LRRC1: variants seen among roughly 807,000 people sequenced by gnomAD.
LRRC1 encodes leucine rich repeat containing 1.
In LRRC1, 28 loss-of-function variants were observed where a neutral mutation model predicts 69.9. The observed-to-expected ratio is 0.40, with a 90% CI of 0.30 to 0.55. The LOEUF is 0.55. Ranked by LOEUF, LRRC1 falls within the 20% of genes least tolerant of loss-of-function variation. LRRC1 has a pLI of 0.47. For missense variants in LRRC1, 498 were observed against 609.0 expected (o/e 0.82, Z 1.92); for synonymous variants, 236 against 240.2 (o/e 0.98, Z 0.16).
intron 11 of LRRC1, 75 bp downstream of exon 11, chr6:53,914,044 A>C: frequency 9.8e-7 from 1 of 1,016,070 alleles, no homozygotes; most frequent in Non-Finnish European, 1.5e-6. Flanking sequence ...TGCATCTTCA[A>C]ATTTTTGTCT....
At chr6:53,889,009 T>C (rs1767586523) in intron 4 of LRRC1, among the ~76,000 whole-genome samples, 1 of 152,148 alleles carries the variant, frequency 6.6e-6, no homozygotes. Flanking sequence ...TACAACTCTG[T>C]AATAAAAGAA....
chr6:53,875,521 G>A (rs1168615147), intron 2 of LRRC1, among the ~76,000 whole-genome samples: 2 of 151,968 alleles, frequency 1.3e-5, no homozygotes, highest in Non-Finnish European at 2.9e-5. Flanking sequence ...TTACCTCTAG[G>A]TGATGAGAGT....
chr6:53,853,840 A>T (rs765498514), intron 2 of LRRC1, among the ~76,000 whole-genome samples: 2 of 152,206 alleles, frequency 1.3e-5, no homozygotes, highest in African/African-American at 4.8e-5. Flanking sequence ...GCTTTCTTCT[A>T]TGGAGATGAC....
intron 10 of LRRC1, among the ~76,000 whole-genome samples, chr6:53,912,752 G>A (rs956707402): frequency 5.3e-5 from 8 of 152,244 alleles, no homozygotes; most frequent in Middle Eastern, 6.8e-3. Flanking sequence ...ATAGAAAAGG[G>A]CAGAAGATAT....
chr6:53,824,655 CT>C (rs1208254200), intron 1 of LRRC1, among the ~76,000 whole-genome samples: 1 of 152,114 alleles, frequency 6.6e-6, no homozygotes, highest in Non-Finnish European at 1.5e-5. Context: ...CTGAGGTTTG[CT>C]TTTCTGCTTC....
At chr6:53,872,940 A>G (rs1766942645) in intron 2 of LRRC1, among the ~76,000 whole-genome samples, 1 of 151,766 alleles carries the variant, frequency 6.6e-6, no homozygotes, top group Non-Finnish European at 1.5e-5. Flanking sequence ...TATTTTTAGT[A>G]GAGATGGAGT....
intron 4 of LRRC1, chr6:53,883,975 G>A (rs913710018): frequency 2.8e-6 from 2 of 717,942 alleles, no homozygotes; most frequent in African/African-American, 3.5e-5. Context: ...GCTGACACCT[G>A]TTCAGCCAGC....
chr6:53,808,034 G>A (rs567452118), intron 1 of LRRC1, among the ~76,000 whole-genome samples: 57 of 152,348 alleles, frequency 3.7e-4, no homozygotes, highest in African/African-American at 1.3e-3. Flanking sequence ...GCCTGGCAAG[G>A]AGAGTGGATG....
intron 2 of LRRC1, among the ~76,000 whole-genome samples, chr6:53,853,243 A>AAC (rs2127420193): frequency 6.6e-6 from 1 of 151,838 alleles, no homozygotes; most frequent in Non-Finnish European, 1.5e-5. Context: ...GGGGAATACC[A>AAC]ACATTCAGGT....
chr6:53,891,975 G>C (rs539224979), intron 4 of LRRC1, among the ~76,000 whole-genome samples: 16 of 107,872 alleles, frequency 1.5e-4, no homozygotes, highest in African/African-American at 5.4e-4. Flanking sequence ...CTGGGTGACA[G>C]AGTAAGATTC....
intron 1 of LRRC1, among the ~76,000 whole-genome samples, chr6:53,826,201 T>C (rs80249704): frequency 2.3e-3 from 12 of 5,142 alleles, no homozygotes; most frequent in Non-Finnish European, 5.1e-3. Flanking sequence ...ATCTGCCTTT[T>C]TTTTTTTTTT....
In LRRC1 at chr6:53,848,936, T is replaced by A. The variant is rs922382994; in HGVS notation, c.277+6709T>A. Among the ~76,000 whole-genome samples, 4 of 152,072 alleles carry A rather than the reference T, an allele frequency of 2.6e-5. No individual in the cohort carries two copies. In the East Asian group the frequency reaches 7.7e-4, roughly 29 times the overall value. On this transcript the variant is annotated intron_variant, in intron 2 of 13. Coordinates refer to ENST00000370888, the MANE Select transcript of LRRC1 (RefSeq NM_018214.5). ...CCAAGCCCGGCTAATTTTGTGTTTT[T>A]AGTAGAGATGGGGTTTCTTCATGTT...
chr6:53,833,192 T>C (rs1233549114), intron 1 of LRRC1, among the ~76,000 whole-genome samples: 1 of 152,212 alleles, frequency 6.6e-6, no homozygotes, highest in Non-Finnish European at 1.5e-5. Context: ...AGTAAAGTAA[T>C]GCTGTCCTGA....
intron 2 of LRRC1, among the ~76,000 whole-genome samples, chr6:53,850,151 T>G (rs1766081690): frequency 6.6e-6 from 1 of 150,746 alleles, no homozygotes; most frequent in Non-Finnish European, 1.5e-5. Flanking sequence ...CTTAAGGAAA[T>G]AACAAATAAC....
chr6:53,847,001 CTATGTCATTATCCATTTAGTTCAGT>C (rs1444967144), intron 2 of LRRC1, among the ~76,000 whole-genome samples: 6 of 152,216 alleles, frequency 3.9e-5, no homozygotes, highest in African/African-American at 1.4e-4. Context: ...CATCACAGTA[CTATGTCATTATCCATTTAGTTCAGT>C]TTTCCCCGAA....
chr6:53,901,901 G>A (rs1316406678), intron 8 of LRRC1, among the ~76,000 whole-genome samples: 1 of 152,242 alleles, frequency 6.6e-6, no homozygotes, highest in Non-Finnish European at 1.5e-5. Context: ...CTTTATGACT[G>A]TGTTAGAATA....
chr6:53,847,059 A>G (rs1239819878), intron 2 of LRRC1, among the ~76,000 whole-genome samples: 1 of 152,206 alleles, frequency 6.6e-6, no homozygotes, highest in Admixed American at 6.5e-5. Flanking sequence ...TACTACCAGC[A>G]CTGCTAGAGA....
At chr6:53,833,915 T>G (rs1191461558) in intron 1 of LRRC1, among the ~76,000 whole-genome samples, 2 of 152,238 alleles carry the variant, frequency 1.3e-5, no homozygotes, top group East Asian at 1.9e-4. Flanking sequence ...TTCAAATTCT[T>G]AAGTATTTGT....
intron 4 of LRRC1, among the ~76,000 whole-genome samples, chr6:53,893,870 G>C (rs1051515159): frequency 6.6e-6 from 1 of 152,138 alleles, no homozygotes; most frequent in Non-Finnish European, 1.5e-5. Flanking sequence ...CATGATGGGG[G>C]TGGGAACTAG....
Sources: gnomAD v4.1 joint callset for allele counts (sites outside exome capture counted in the v4.1 genomes callset) on GRCh38, gnomAD v4.1.1 for gene constraint, MANE v1.5 for transcripts, NCBI Gene and HGNC (gene_info 2026-07-23, HGNC 2026-07-21) for gene names.